The following SPAG16 variants were observed in gnomAD, a reference collection of about 807,000 sequenced individuals.
SPAG16 encodes sperm-associated antigen 16 protein.
In SPAG16, 86 loss-of-function variants were observed where a neutral mutation model predicts 80.4. The ratio of observed to expected loss-of-function variants is 1.07; its 90% CI spans 0.90 to 1.28. The LOEUF (loss-of-function observed/expected upper bound fraction) is 1.28, where lower values mean the gene tolerates loss of function less well. Ranked by LOEUF, SPAG16 falls within the 50% of genes most tolerant of loss-of-function variation. The pLI is 0.00. For missense variants in SPAG16, 870 were observed against 765.3 expected, an observed-to-expected ratio of 1.14 and a Z score of -1.61; for synonymous variants, 294 against 265.9, an observed-to-expected ratio of 1.11 and a Z score of -1.03.
At position 213,535,808 on chromosome 2, in the gene SPAG16, C is replaced by T. The variant is rs548620486; in HGVS notation, c.1070+45718C>T. ...GACTACATTCTAACTGTAACCTTGA[C>T]CACATTTTTTTTCATGAGTCTTGAC... is the stretch of plus-strand genomic sequence containing the variant. On this transcript the variant is annotated intron_variant, in intron 10 of 15. Coordinates refer to ENST00000331683, the MANE Select transcript of SPAG16 (RefSeq NM_024532.5). Among the ~76,000 whole-genome samples the T allele has an allele frequency of 3.9e-5, 6 of 152,132 alleles. No individual in the cohort carries two copies. The South Asian group carries it at 1.0e-3, about 26-fold the overall frequency.
intron 11 of SPAG16, among the ~76,000 whole-genome samples, chr2:213,912,039 T>A (rs1215969462): frequency 6.6e-6 from 1 of 152,114 alleles, no homozygotes; most frequent in African/African-American, 2.4e-5. Flanking sequence ...CTCATAATAT[T>A]TAGCTAGGTT....
At chr2:213,388,656 T>C (rs1481747136) in intron 9 of SPAG16, among the ~76,000 whole-genome samples, 1 of 152,144 alleles carries the variant, frequency 6.6e-6, no homozygotes, top group Non-Finnish European at 1.5e-5. Flanking sequence ...AGACTCCAAA[T>C]TACAACACAA....
intron 10 of SPAG16, among the ~76,000 whole-genome samples, chr2:213,497,565 G>A (rs187334640): frequency 3.3e-5 from 5 of 151,888 alleles, no homozygotes; most frequent in East Asian, 1.9e-4. Context: ...GTGATAGACC[G>A]ACAGTTGCCC....
intron 12 of SPAG16, among the ~76,000 whole-genome samples, chr2:214,004,916 C>T (rs1396050438): frequency 2.0e-5 from 3 of 152,028 alleles, no homozygotes; most frequent in African/African-American, 4.8e-5. Context: ...TAGGCAAATT[C>T]GCAAATATGA....
At chr2:214,226,053 A>C (rs1263277407) in intron 15 of SPAG16, among the ~76,000 whole-genome samples, 1 of 152,118 alleles carries the variant, frequency 6.6e-6, no homozygotes, top group East Asian at 1.9e-4. Context: ...TGGAGACAGA[A>C]TCTGAAAAGG....
At chr2:213,373,970 T>A (rs2066766613) in intron 8 of SPAG16, among the ~76,000 whole-genome samples, 1 of 152,194 alleles carries the variant, frequency 6.6e-6, no homozygotes, top group South Asian at 2.1e-4. Flanking sequence ...CAACAAGCTG[T>A]AATTGTTGCC....
chr2:213,393,018 C>T (rs1461896749), intron 9 of SPAG16, among the ~76,000 whole-genome samples: 1 of 151,888 alleles, frequency 6.6e-6, no homozygotes, highest in Non-Finnish European at 1.5e-5. Context: ...ATCAAATAAA[C>T]AGAAATACTT....
At chr2:213,493,104 GA>G (rs1317550606) in intron 10 of SPAG16, among the ~76,000 whole-genome samples, 1 of 152,108 alleles carries the variant, frequency 6.6e-6, no homozygotes, top group Admixed American at 6.5e-5. Context: ...TAAACAAAAT[GA>G]AAAAAATCTC....
chr2:213,715,928 G>A (rs2066221263), intron 10 of SPAG16, among the ~76,000 whole-genome samples: 1 of 151,556 alleles, frequency 6.6e-6, no homozygotes, highest in African/African-American at 2.4e-5. Context: ...TAGTTAAGTG[G>A]GAAAAAGTTA....
intron 10 of SPAG16, among the ~76,000 whole-genome samples, chr2:213,718,414 C>G (rs1256284721): frequency 1.3e-5 from 2 of 152,204 alleles, no homozygotes; most frequent in African/African-American, 4.8e-5. Flanking sequence ...TTCAGTCCCC[C>G]CACTGCACTG....
chr2:214,399,510 A>C (rs982350802), intron 15 of SPAG16, among the ~76,000 whole-genome samples: 1 of 152,050 alleles, frequency 6.6e-6, no homozygotes, highest in South Asian at 2.1e-4. Context: ...AAACCTCCAC[A>C]TTCAAGAAAG....
chr2:214,406,564 T>C (rs1702009097), intron 15 of SPAG16, among the ~76,000 whole-genome samples: 2 of 152,144 alleles, frequency 1.3e-5, no homozygotes, highest in Admixed American at 6.5e-5. Flanking sequence ...ATGCCTAAGA[T>C]ATTAGTGAAA....
At chr2:214,371,066 C>A (rs7568796) in intron 15 of SPAG16, among the ~76,000 whole-genome samples, 63 of 152,226 alleles carry the variant, frequency 4.1e-4, no homozygotes, top group African/African-American at 1.5e-3. Flanking sequence ...GAGGCATTGT[C>A]AGTTTCAGAG....
intron 10 of SPAG16, among the ~76,000 whole-genome samples, chr2:213,799,623 A>G (rs1475511064): frequency 6.6e-6 from 1 of 152,134 alleles, no homozygotes; most frequent in Non-Finnish European, 1.5e-5. Flanking sequence ...ACACAATACA[A>G]TGTGCCTTCT....
chr2:213,729,166 C>A (rs766293575), intron 10 of SPAG16, among the ~76,000 whole-genome samples: 2 of 151,978 alleles, frequency 1.3e-5, no homozygotes, highest in South Asian at 4.2e-4. Flanking sequence ...ATAAAATATG[C>A]GGTTATCAAA....
At chr2:213,514,618 T>G in intron 10 of SPAG16, among the ~76,000 whole-genome samples, 1 of 70,582 alleles carries the variant, frequency 1.4e-5, no homozygotes, top group Non-Finnish European at 2.6e-5. Flanking sequence ...CCCTCCCCCC[T>G]CCCCCCACCC....
chr2:213,501,839 G>A (rs1002310037), intron 10 of SPAG16, among the ~76,000 whole-genome samples: 30 of 151,950 alleles, frequency 2.0e-4, no homozygotes, highest in Middle Eastern at 3.2e-3. Flanking sequence ...TAATTTTATC[G>A]ATTTTAATCT....
intron 15 of SPAG16, among the ~76,000 whole-genome samples, chr2:214,152,852 A>G (rs546701256): frequency 1.6e-4 from 24 of 152,262 alleles, no homozygotes; most frequent in Non-Finnish European, 3.1e-4. Context: ...AGAGAGAAAG[A>G]CAGCTTATGC....
intron 13 of SPAG16, among the ~76,000 whole-genome samples, chr2:214,078,367 A>G (rs2051189420): frequency 6.6e-6 from 1 of 152,012 alleles, no homozygotes; most frequent in Non-Finnish European, 1.5e-5. Context: ...AGCTTGGACA[A>G]CATAGTGAAA....
Sources: allele counts gnomAD v4.1 joint callset (sites outside exome capture counted in the v4.1 genomes callset), GRCh38; gene constraint gnomAD v4.1.1; transcripts MANE v1.5; gene names NCBI Gene and HGNC (gene_info 2026-07-23, HGNC 2026-07-21).